TTYH2: variants seen among roughly 807,000 people sequenced by gnomAD.
The protein encoded by TTYH2 is tweety family member 2.
Under a neutral mutation model 68.3 loss-of-function variants are expected in TTYH2, and 49 were observed. That is an observed-to-expected ratio of 0.72 (90% CI 0.57 to 0.91). The LOEUF (loss-of-function observed/expected upper bound fraction) is 0.91. Ranked by LOEUF, TTYH2 falls within the 40% of genes least tolerant of loss-of-function variation. The pLI is 0.00. For synonymous variants in TTYH2, 272 were observed against 300.8 expected (o/e 0.90, Z 0.99); for missense variants, 631 against 700.4 (o/e 0.90, Z 1.12).
Position 74,213,816 on chromosome 17 carries a change from A to G in TTYH2, c.129+100A>G. Reference sequence around the variant, plus strand: ...CTGCACTTTCCCACGTGCCTCTCAGACCCCTTCTCTCCCCGCGCAGCCCTT... The same window carrying G: ...CTGCACTTTCCCACGTGCCTCTCAGGCCCCTTCTCTCCCCGCGCAGCCCTT... On this transcript the variant is annotated intron_variant, in intron 1 of 13. Coordinates refer to ENST00000269346, the MANE Select transcript of TTYH2 (RefSeq NM_032646.6). This position sits in a 1 kb window ranked among gnomAD's most constrained non-coding sequence, Gnocchi z 6.1. 1 of 1,417,398 alleles carries G rather than the reference A, an allele frequency of 7.1e-7. No homozygotes were observed. The highest frequency in any genetic ancestry group is 2.0e-5 in the Admixed American group (1 of 49,806). 87.8% of individuals were successfully genotyped at this position (1,417,398 alleles called of 1,614,324 possible).
At position 74,241,433 on chromosome 17, in the gene TTYH2, G is replaced by A. The variant is rs543823893; in HGVS notation, c.636-1941G>A. ...TCCCCAAAGCCCCCGGCTCCATTCC[G>A]GGGAACCCCAGAGACCTAGTGTGTG... On this transcript the variant is annotated intron_variant, in intron 4 of 13. Transcript: ENST00000269346. This position sits in a 1 kb window ranked among gnomAD's most constrained non-coding sequence, Gnocchi z 4.1. Among the ~76,000 whole-genome samples the A allele has an allele frequency of 2.0e-4, 30 of 152,246 alleles. No homozygotes were observed. The highest frequency in any genetic ancestry group is 6.5e-4 in the African/African-American group (27 of 41,532).
chr17:74,229,556 AC>A (rs1351748781), intron 2 of TTYH2, among the ~76,000 whole-genome samples: 3 of 152,138 alleles, frequency 2.0e-5, no homozygotes, highest in South Asian at 4.2e-4. Context: ...CAAGTCAAAA[AC>A]CTGCTCTCCA....
At position 74,222,349 on chromosome 17, in the gene TTYH2, AC is replaced by A. The variant is rs1353068524; in HGVS notation, c.130-133del. The A allele has an allele frequency of 9.4e-7, 1 of 1,061,880 alleles. No individual in the cohort carries two copies. 65.8% of individuals were successfully genotyped at this position (1,061,880 alleles called of 1,614,324 possible). On this transcript the variant is annotated intron_variant, in intron 1 of 13. Transcript: ENST00000269346. The surrounding 1 kb of genome is among the most constrained non-coding windows in gnomAD (Gnocchi z 5.2). ...CTCTGTTTACAGAGTAGGAGCTTGAACCCTAGGTGGAGCTTGGAAGGATGGA... is the reference window on the plus strand; with the variant it reads ...CTCTGTTTACAGAGTAGGAGCTTGAACCTAGGTGGAGCTTGGAAGGATGGA...
chr17:74,253,940 T>A, intron 13 of TTYH2, 107 bp downstream of exon 13: 1 of 1,216,622 alleles, frequency 8.2e-7, no homozygotes, highest in Non-Finnish European at 1.2e-6. Flanking sequence ...GAAACTGTTC[T>A]GTTATTGAAT....
intron 2 of TTYH2, among the ~76,000 whole-genome samples, chr17:74,225,159 G>T (rs1598215743): frequency 1.3e-5 from 2 of 152,174 alleles, no homozygotes; most frequent in African/African-American, 4.8e-5. Context: ...GGGGGCAGGG[G>T]AGGCGGAGAC....
chr17:74,221,316 G>A (rs1197428064), intron 1 of TTYH2, among the ~76,000 whole-genome samples: 3 of 152,166 alleles, frequency 2.0e-5, no homozygotes, highest in Non-Finnish European at 4.4e-5. Context: ...TGGCCCCAAA[G>A]CCCCAGACTG....
intron 4 of TTYH2, among the ~76,000 whole-genome samples, chr17:74,238,238 C>T (rs1042529767): frequency 3.3e-5 from 5 of 152,134 alleles, no homozygotes; most frequent in African/African-American, 1.2e-4. Context: ...CAGACACAGC[C>T]ACAGGGTTAT....
chr17:74,254,285 A>G (rs1032797281), intron 13 of TTYH2, among the ~76,000 whole-genome samples: 5 of 152,184 alleles, frequency 3.3e-5, no homozygotes, highest in African/African-American at 9.6e-5. Flanking sequence ...ATCCTGCCTC[A>G]GCCTCCCAAG....
rs1465693449 is a variant in TTYH2 at position 74,214,302 on chromosome 17, C to A, written c.129+586C>A. Among the ~76,000 whole-genome samples, 3 of 152,108 alleles carry A rather than the reference C, an allele frequency of 2.0e-5. No individual in the cohort carries two copies. Among genetic ancestry groups the A allele is most frequent in the Non-Finnish European group, 4.4e-5 (3 of 68,002 alleles). ...TGGGGAAGCGGTGTGGGTCACTTCC[C>A]CTCTAGCGCAGAGAACCCACAGCTG... On this transcript the variant is annotated intron_variant, in intron 1 of 13. Coordinates refer to ENST00000269346, the MANE Select transcript of TTYH2 (RefSeq NM_032646.6). This position sits in a 1 kb window ranked among gnomAD's most constrained non-coding sequence, Gnocchi z 4.6.
chr17:74,214,673 C>T lies in TTYH2; in HGVS notation c.129+957C>T, dbSNP rs906215734. The stretch of plus-strand genomic sequence containing the variant: ...GGTCTGGTCACGCCTGCTCTGGCCC[C>T]GGGAGCCCACCTGTATCAGTTCCTT... On this transcript the variant is annotated intron_variant, in intron 1 of 13. Transcript: ENST00000269346. This position sits in a 1 kb window ranked among gnomAD's most constrained non-coding sequence, Gnocchi z 4.6. Among the ~76,000 whole-genome samples, 5 of 152,162 alleles carry T rather than the reference C, an allele frequency of 3.3e-5. No individual in the cohort carries two copies. The highest frequency in any genetic ancestry group is 1.9e-4 in the East Asian group (1 of 5,186).
chr17:74,255,107 A>T (rs959647441), intron 13 of TTYH2, among the ~76,000 whole-genome samples: 3 of 152,236 alleles, frequency 2.0e-5, no homozygotes, highest in African/African-American at 7.2e-5. Context: ...ACTGGCTGAG[A>T]CAAAGAAAGC....
rs1017535283 is a variant in TTYH2, at chr17:74,239,932, C to A, written c.635+2418C>A. 6.6e-6 allele frequency among the ~76,000 whole-genome samples: 1 copy of A among 152,194 alleles called. No homozygotes were observed. Among genetic ancestry groups the A allele is most frequent in the Admixed American group, 6.5e-5 (1 of 15,270 alleles). On this transcript the variant is annotated intron_variant, in intron 4 of 13. Transcript: ENST00000269346. The surrounding 1 kb of genome is among the most constrained non-coding windows in gnomAD (Gnocchi z 5.3). The stretch of plus-strand genomic sequence containing the variant: ...TTAACGTCACTCTTCTCTGAGCACA[C>A]CTAGCAGAGGACTGTGTATGTTTAA...
intron 1 of TTYH2, among the ~76,000 whole-genome samples, chr17:74,221,504 C>T (rs996912404): frequency 1.3e-5 from 2 of 152,196 alleles, no homozygotes; most frequent in Non-Finnish European, 2.9e-5. Context: ...ACTAGGGATT[C>T]GGGACTGGGA....
In TTYH2 at chr17:74,222,501, G is replaced by T; in HGVS notation, c.146G>T (p.Gly49Val). The change falls in exon 2 of 14, where the codon GGG becomes GTG. Residue 49 changes from glycine to valine, a missense_variant. Gly to Val is a moderately radical substitution (Grantham distance 109). Transcript: ENST00000269346. This position sits in a 1 kb window ranked among gnomAD's most constrained non-coding sequence, Gnocchi z 5.2. ...CTCTTCCAGTCGCTGCTGTTCCTGG[G>T]GCTGGTGGCCGCCGTCTGCCTGGGC... ...ESYQESLLFLGLVAAVCLGLN... is the reference protein window; with the variant it reads ...ESYQESLLFLVLVAAVCLGLN... 6.2e-7 allele frequency: 1 copy of T among 1,610,386 alleles called. No individual in the cohort carries two copies.
At chr17:74,246,176 A>G (rs1598227980) in intron 6 of TTYH2, among the ~76,000 whole-genome samples, 1 of 152,104 alleles carries the variant, frequency 6.6e-6, no homozygotes, top group East Asian at 1.9e-4. Flanking sequence ...TTGGCCACCG[A>G]GCCTGGGGAC....
At chr17:74,223,389 G>C (rs113869479) in intron 2 of TTYH2, among the ~76,000 whole-genome samples, 4,634 of 152,100 alleles carry the variant, frequency 0.03, 230 homozygotes, top group African/African-American at 0.1. Context: ...GCCTCCAAAA[G>C]TGCTGGGATT....
In TTYH2 at chr17:74,237,586, G is replaced by T. The variant is rs565919729; in HGVS notation, c.635+72G>T. 7.3e-6 allele frequency: 10 copies of T among 1,361,802 alleles called. No homozygotes were observed. In the East Asian group the frequency reaches 2.3e-4, roughly 32 times the overall value. The allele number at this position is 1,361,802 out of a possible 1,614,324, so 84.4% of individuals were successfully genotyped here. A position where few individuals can be genotyped will look rare whatever the true frequency, so the allele number is the denominator to read the frequency against. ...CAGCTTTGTTTATCCAAACCTGCAT[G>T]TTGAGCTCCAGGTGGAGAAGGGCCA... On this transcript the variant is annotated intron_variant, in intron 4 of 13. Coordinates refer to ENST00000269346, the MANE Select transcript of TTYH2 (RefSeq NM_032646.6).
chr17:74,216,759 T>C lies in TTYH2; in HGVS notation c.129+3043T>C, dbSNP rs143069889. ...CTTGGCCCTGGCGGGCACCCAGCTC[T>C]GGGCTGCCAGATGTGGCTGTATGTC... On this transcript the variant is annotated intron_variant, in intron 1 of 13. Coordinates refer to ENST00000269346, the MANE Select transcript of TTYH2 (RefSeq NM_032646.6). Among the ~76,000 whole-genome samples the C allele has an allele frequency of 1.1e-4, 17 of 152,372 alleles. No individual in the cohort carries two copies. In the East Asian group the frequency reaches 3.3e-3, roughly 29 times the overall value.
At chr17:74,219,188 G>T (rs2050250725) in intron 1 of TTYH2, among the ~76,000 whole-genome samples, 1 of 150,926 alleles carries the variant, frequency 6.6e-6, no homozygotes, top group African/African-American at 2.5e-5. Flanking sequence ...CTGCACTCCA[G>T]CCTGGTGAGA....
Sources: allele counts gnomAD v4.1 joint callset (sites outside exome capture counted in the v4.1 genomes callset), GRCh38; gene constraint gnomAD v4.1.1; non-coding constraint Gnocchi (gnomAD v3.1); transcripts MANE v1.5; gene names NCBI Gene and HGNC (gene_info 2026-07-23, HGNC 2026-07-21).